Variants in CSMD1 observed in about 807,000 individuals in gnomAD.
CSMD1 encodes the protein CUB and Sushi multiple domains 1.
CSMD1 carries 213 observed loss-of-function variants against 417.5 expected under a neutral mutation model. The observed-to-expected ratio is 0.51, with a 90% CI of 0.46 to 0.57. CSMD1 has a LOEUF of 0.57. Ranked by LOEUF, CSMD1 falls within the 20% of genes least tolerant of loss-of-function variation. CSMD1 has a pLI of 0.00. For missense variants in CSMD1, 6,923 were observed against 4,529.7 expected (o/e 1.53, Z -15.17); for synonymous variants, 2,862 against 1,736.8 (o/e 1.65, Z -16.11).
chr8:4,573,314 C>A (rs956939297), intron 2 of CSMD1, among the ~76,000 whole-genome samples: 1 of 152,154 alleles, frequency 6.6e-6, no homozygotes, highest in African/African-American at 2.4e-5. Flanking sequence ...GCATGGGCAT[C>A]CTTTTTGTTA....
At position 3,307,721 on chromosome 8, in the gene CSMD1, T is replaced by C. The variant is rs1804989973; in HGVS notation, c.3924A>G (p.Ile1308Met). ...TAATGGTCTTTCCTGGGTCTGCCTCTATAATCCAGGTGCAGTGGAGGTTGT... is the reference window on the plus strand; with the variant it reads ...TAATGGTCTTTCCTGGGTCTGCCTCCATAATCCAGGTGCAGTGGAGGTTGT... ...YDNNLHCTWIIEADPGKTISL... is the reference protein window; with the variant it reads ...YDNNLHCTWIMEADPGKTISL... The change falls in exon 25 of 70, where the codon ATA becomes ATG. Residue 1308 changes from isoleucine (I) to methionine (M), a missense_variant. By Grantham distance (10) the Ile-to-Met change is conservative. Coordinates refer to ENST00000635120, the MANE Select transcript of CSMD1 (RefSeq NM_033225.6). 1 of 1,613,742 alleles carries C rather than the reference T, an allele frequency of 6.2e-7. No individual in the cohort carries two copies. The highest frequency in any genetic ancestry group is 1.1e-5 in the South Asian group (1 of 91,082).
chr8:3,907,763 A>G (rs1808207635), intron 5 of CSMD1, among the ~76,000 whole-genome samples: 1 of 152,318 alleles, frequency 6.6e-6, no homozygotes, highest in South Asian at 2.1e-4. Flanking sequence ...TCAGTCAGTA[A>G]CAGACTGACT....
At chr8:3,297,224 A>G (rs1804035839) in intron 25 of CSMD1, among the ~76,000 whole-genome samples, 1 of 152,236 alleles carries the variant, frequency 6.6e-6, no homozygotes, top group Admixed American at 6.5e-5. Context: ...CAGAAAGTTC[A>G]GTATTATAAA....
At chr8:3,294,143 T>A (rs1000739590) in intron 25 of CSMD1, among the ~76,000 whole-genome samples, 1 of 152,192 alleles carries the variant, frequency 6.6e-6, no homozygotes, top group Non-Finnish European at 1.5e-5. Flanking sequence ...GAACAGCAGA[T>A]GTTGGTGAAC....
At chr8:4,858,027 C>A (rs1018796564) in intron 1 of CSMD1, among the ~76,000 whole-genome samples, 4 of 152,092 alleles carry the variant, frequency 2.6e-5, no homozygotes, top group African/African-American at 9.7e-5. Context: ...AACATACTGG[C>A]AAAACGAATG....
chr8:4,117,671 G>C (rs951933922), intron 3 of CSMD1, among the ~76,000 whole-genome samples: 51 of 152,152 alleles, frequency 3.4e-4, no homozygotes, highest in Admixed American at 2.4e-3. Context: ...CAAATAGACA[G>C]ACTGTATACC....
intron 42 of CSMD1, among the ~76,000 whole-genome samples, chr8:3,111,333 G>C (rs550596870): frequency 2.4e-4 from 36 of 151,418 alleles, no homozygotes; most frequent in Non-Finnish European, 4.4e-4. Flanking sequence ...AACCTGGCTG[G>C]AGATTTGGAT....
At chr8:4,969,843 T>A (rs1046913515) in intron 1 of CSMD1, among the ~76,000 whole-genome samples, 1 of 152,068 alleles carries the variant, frequency 6.6e-6, no homozygotes, top group Non-Finnish European at 1.5e-5. Context: ...ATTTTCTCTC[T>A]CTTTACTTAA....
At chr8:3,347,968 C>G (rs377412145) in intron 22 of CSMD1, 24 bp downstream of exon 22, 13 of 1,520,462 alleles carry the variant, frequency 8.6e-6, no homozygotes, top group African/African-American at 7.0e-5. Flanking sequence ...TTGGAGTCAT[C>G]ATGTTGGAGA....
chr8:4,247,054 T>A (rs1802757090), intron 3 of CSMD1, among the ~76,000 whole-genome samples: 1 of 152,122 alleles, frequency 6.6e-6, no homozygotes, highest in African/African-American at 2.4e-5. Context: ...AAATATAAAG[T>A]GAAGAAGACA....
chr8:3,510,203 G>T (rs960459875), intron 10 of CSMD1, among the ~76,000 whole-genome samples: 1 of 149,872 alleles, frequency 6.7e-6, no homozygotes, highest in African/African-American at 2.5e-5. Flanking sequence ...CTGTGGGGCT[G>T]GACATCAGGG....
At chr8:3,435,067 C>T (rs1200492027) in intron 12 of CSMD1, among the ~76,000 whole-genome samples, 1 of 152,042 alleles carries the variant, frequency 6.6e-6, no homozygotes, top group Non-Finnish European at 1.5e-5. Flanking sequence ...CTGGTGGGAG[C>T]TGCTACCTTT....
intron 3 of CSMD1, among the ~76,000 whole-genome samples, chr8:4,414,752 T>C (rs1563148917): frequency 1.3e-5 from 2 of 152,202 alleles, no homozygotes; most frequent in African/African-American, 4.8e-5. Flanking sequence ...GTTCAGATTT[T>C]TATCCAAAAA....
At chr8:3,956,726 A>G (rs1029668891) in intron 5 of CSMD1, among the ~76,000 whole-genome samples, 6 of 152,154 alleles carry the variant, frequency 3.9e-5, no homozygotes, top group Non-Finnish European at 8.8e-5. Context: ...AAGGAAGTTC[A>G]GTTGGGCTGA....
chr8:3,234,595 C>T (rs746029857), intron 26 of CSMD1, among the ~76,000 whole-genome samples: 7 of 152,164 alleles, frequency 4.6e-5, no homozygotes, highest in Admixed American at 1.3e-4. Context: ...TTCCCACTTT[C>T]CTCCCATCAG....
chr8:2,995,534 T>C (rs1223490556), intron 54 of CSMD1, among the ~76,000 whole-genome samples: 1 of 152,174 alleles, frequency 6.6e-6, no homozygotes, highest in Non-Finnish European at 1.5e-5. Context: ...GCCAGTACCA[T>C]TTACACTCTT....
chr8:3,808,806 G>A (rs766533411), intron 5 of CSMD1, among the ~76,000 whole-genome samples: 39 of 152,268 alleles, frequency 2.6e-4, no homozygotes, highest in Admixed American at 5.2e-4. Context: ...ATTTCAAGGG[G>A]CATTTGGCAG....
chr8:3,690,841 G>T (rs1452416503), intron 7 of CSMD1, among the ~76,000 whole-genome samples: 1 of 152,204 alleles, frequency 6.6e-6, no homozygotes, highest in African/African-American at 2.4e-5. Flanking sequence ...GAGGTTCTTT[G>T]AATAGGTGGT....
At position 3,157,293 on chromosome 8, in the gene CSMD1, C is replaced by T. The variant is rs973513765; in HGVS notation, c.5914+604G>A. Among the ~76,000 whole-genome samples the T allele has an allele frequency of 2.6e-5, 4 of 152,258 alleles. No individual in the cohort carries two copies. In the South Asian group the frequency reaches 8.3e-4, roughly 32 times the overall value. On this transcript the variant is annotated intron_variant, in intron 39 of 69. Transcript: ENST00000635120. The stretch of plus-strand genomic sequence containing the variant: ...CTTTGTACTGAGGGACTTGTGACCA[C>T]CACCTTCAATGCCCCTGGAATCATT...
Sources: allele counts gnomAD v4.1 joint callset (sites outside exome capture counted in the v4.1 genomes callset), GRCh38; gene constraint gnomAD v4.1.1; transcripts MANE v1.5; gene names NCBI Gene and HGNC (gene_info 2026-07-23, HGNC 2026-07-21).